The following COL19A1 variants were observed in gnomAD, a reference collection of about 807,000 sequenced individuals.
The protein encoded by COL19A1 is collagen alpha-1(XIX) chain.
COL19A1 carries 159 observed loss-of-function variants against 190.2 expected under a neutral mutation model. The ratio of observed to expected loss-of-function variants is 0.84; its 90% CI spans 0.73 to 0.95. COL19A1 has a LOEUF of 0.95. Ranked by LOEUF, COL19A1 falls within the 40% of genes least tolerant of loss-of-function variation. The pLI, the probability that COL19A1 is intolerant of heterozygous loss-of-function variation, is 0.00. For synonymous variants in COL19A1, 509 were observed against 458.9 expected (o/e 1.11, Z -1.39); for missense variants, 1,418 against 1,431.9 (o/e 0.99, Z 0.16).
intron 42 of COL19A1, among the ~76,000 whole-genome samples, chr6:70,179,785 T>C (rs981807220): frequency 2.6e-5 from 4 of 152,166 alleles, no homozygotes; most frequent in Non-Finnish European, 5.9e-5. Context: ...CACACAAATA[T>C]ATATTCGAAG....
Position 70,029,517 on chromosome 6 carries a change from T to G in COL19A1, c.1081-4728T>G, listed in dbSNP as rs3805988. Among the ~76,000 whole-genome samples, 48 of 152,320 alleles carry G rather than the reference T, an allele frequency of 3.2e-4. No homozygotes were observed. The East Asian group carries it at 9.3e-3, about 29-fold the overall frequency. Reference sequence around the variant, plus strand: ...TATTTAATTCAGAGTCTATTCCATTTGGCTCTTTATGCCTATGGTGAGTGC... The same window carrying G: ...TATTTAATTCAGAGTCTATTCCATTGGGCTCTTTATGCCTATGGTGAGTGC... On this transcript the variant is annotated intron_variant, in intron 12 of 50. Transcript: ENST00000620364.
chr6:70,133,280 C>T (rs1185161185), intron 18 of COL19A1, among the ~76,000 whole-genome samples: 1 of 152,170 alleles, frequency 6.6e-6, no homozygotes, highest in Admixed American at 6.5e-5. Flanking sequence ...AGAGCCAACC[C>T]TTTGGAACCC....
intron 11 of COL19A1, among the ~76,000 whole-genome samples, chr6:69,978,646 A>C (rs1775860981): frequency 6.6e-6 from 1 of 151,774 alleles, no homozygotes; most frequent in South Asian, 2.1e-4. Flanking sequence ...AGAAAATATA[A>C]AAATAATGAA....
Position 70,157,464 on chromosome 6 carries a change from T to C in COL19A1, c.2292+741T>C, listed in dbSNP as rs1042198491. Reference sequence around the variant, plus strand: ...ACTACTAATTCTTAATGAAAGTAAGTAAGCCATCTGGCATATATTAACCTT... The same window carrying C: ...ACTACTAATTCTTAATGAAAGTAAGCAAGCCATCTGGCATATATTAACCTT... On this transcript the variant is annotated intron_variant, in intron 34 of 50. Coordinates refer to ENST00000620364, the MANE Select transcript of COL19A1 (RefSeq NM_001858.6). Among the ~76,000 whole-genome samples the C allele has an allele frequency of 3.3e-5, 5 of 152,258 alleles. No individual in the cohort carries two copies. In the South Asian group the frequency reaches 1.0e-3, roughly 32 times the overall value.
At chr6:69,918,672 C>T (rs6899856) in intron 4 of COL19A1, among the ~76,000 whole-genome samples, 2,544 of 152,208 alleles carry the variant, frequency 0.017, 98 homozygotes, top group African/African-American at 0.058. Context: ...CACCTCTGCA[C>T]TCCTGCCTGG....
At chr6:70,141,868 C>G (rs1286638583) in intron 20 of COL19A1, 25 bp from the exon 21 acceptor site, 3 of 1,473,070 alleles carry the variant, frequency 2.0e-6, no homozygotes, top group East Asian at 2.3e-5. Flanking sequence ...AAGCATTACC[C>G]TTATAGTAAT....
chr6:70,089,805 A>C (rs1409720721), intron 15 of COL19A1, among the ~76,000 whole-genome samples: 1 of 152,144 alleles, frequency 6.6e-6, no homozygotes, highest in East Asian at 1.9e-4. Flanking sequence ...TACTTACACA[A>C]TGCAGCTTTC....
intron 36 of COL19A1, among the ~76,000 whole-genome samples, chr6:70,165,363 A>G (rs1765083671): frequency 6.6e-6 from 1 of 152,258 alleles, no homozygotes; most frequent in Admixed American, 6.5e-5. Context: ...TTTAAACAGT[A>G]CTATACCACA....
chr6:69,920,421 T>C (rs1048041644), intron 4 of COL19A1, among the ~76,000 whole-genome samples: 1 of 152,148 alleles, frequency 6.6e-6, no homozygotes, highest in Non-Finnish European at 1.5e-5. Flanking sequence ...TTCTGCAACA[T>C]TGAAGTGAAT....
chr6:70,030,204 G>T (rs1778976078), intron 12 of COL19A1, among the ~76,000 whole-genome samples: 1 of 152,096 alleles, frequency 6.6e-6, no homozygotes, highest in African/African-American at 2.4e-5. Context: ...GCCCATAGTT[G>T]ACTGAACCAG....
intron 49 of COL19A1, among the ~76,000 whole-genome samples, chr6:70,206,634 CAAAA>C (rs34634051): frequency 8.8e-5 from 9 of 101,928 alleles, no homozygotes; most frequent in Non-Finnish European, 9.6e-5. Flanking sequence ...GACTCTGTCT[CAAAA>C]AAAAAAAAAA....
intron 46 of COL19A1, among the ~76,000 whole-genome samples, chr6:70,187,243 C>T (rs564874509): frequency 2.0e-5 from 3 of 152,166 alleles, no homozygotes; most frequent in Non-Finnish European, 2.9e-5. Context: ...ATCCTCCCCC[C>T]AGTCACCTGC....
At chr6:69,929,262 C>T (rs147835824) in intron 5 of COL19A1, among the ~76,000 whole-genome samples, 163 bp from the exon 6 acceptor site, 192 of 152,108 alleles carry the variant, frequency 1.3e-3, no homozygotes, top group South Asian at 1.7e-3. Flanking sequence ...GTGGTGTTTG[C>T]TGTTCTTTTA....
chr6:69,940,074 G>T (rs1288483436), intron 9 of COL19A1, among the ~76,000 whole-genome samples: 1 of 145,814 alleles, frequency 6.9e-6, no homozygotes, highest in Non-Finnish European at 1.5e-5. Context: ...CCTGCCCACT[G>T]AAAAAAAAAA....
At chr6:70,192,097 G>T (rs1194182763) in intron 48 of COL19A1, among the ~76,000 whole-genome samples, 2 of 152,036 alleles carry the variant, frequency 1.3e-5, no homozygotes, top group African/African-American at 2.4e-5. Flanking sequence ...AGTCTCATCT[G>T]TCACCCAGGC....
intron 15 of COL19A1, among the ~76,000 whole-genome samples, chr6:70,082,130 A>G (rs891964347): frequency 6.6e-6 from 1 of 152,206 alleles, no homozygotes; most frequent in Non-Finnish European, 1.5e-5. Flanking sequence ...ATGCATATAT[A>G]GGAATTCTAG....
chr6:70,198,792 G>A (rs1482439074), intron 48 of COL19A1, among the ~76,000 whole-genome samples: 2 of 152,066 alleles, frequency 1.3e-5, no homozygotes, highest in African/African-American at 4.8e-5. Context: ...TTTTTTATGG[G>A]TCAGGGACTT....
intron 4 of COL19A1, among the ~76,000 whole-genome samples, chr6:69,913,033 G>C (rs1771061234): frequency 6.6e-6 from 1 of 152,108 alleles, no homozygotes. Context: ...AGGCTGCAGT[G>C]AGCCCTGATC....
rs564442826 is a variant in COL19A1, at chr6:70,003,249, T to C, written c.1027-20378T>C. ...GCACTGAGAGACTGTTTGTTATGATTTCAGTTCTTTTGCATTTGCTGAGGA... is the reference window on the plus strand; with the variant it reads ...GCACTGAGAGACTGTTTGTTATGATCTCAGTTCTTTTGCATTTGCTGAGGA... On this transcript the variant is annotated intron_variant, in intron 11 of 50. Coordinates refer to ENST00000620364, the MANE Select transcript of COL19A1 (RefSeq NM_001858.6). Among the ~76,000 whole-genome samples the C allele has an allele frequency of 2.0e-5, 3 of 152,340 alleles. No homozygotes were observed. The South Asian group carries it at 6.2e-4, about 32-fold the overall frequency.
Sources: gnomAD v4.1 joint callset for allele counts (sites outside exome capture counted in the v4.1 genomes callset) on GRCh38, gnomAD v4.1.1 for gene constraint, MANE v1.5 for transcripts, NCBI Gene and HGNC (gene_info 2026-07-23, HGNC 2026-07-21) for gene names.